The following SLC7A9 variants were observed in gnomAD, a reference collection of about 807,000 sequenced individuals.
SLC7A9 encodes the protein B(0,+)-type amino acid transporter 1.
Under a neutral mutation model 54.1 loss-of-function variants are expected in SLC7A9, and 38 were observed. The ratio of observed to expected loss-of-function variants is 0.70; its 90% CI spans 0.54 to 0.92. The LOEUF (loss-of-function observed/expected upper bound fraction) is 0.92, where lower values mean the gene tolerates loss of function less well. Ranked by LOEUF, SLC7A9 falls within the 40% of genes least tolerant of loss-of-function variation. The pLI, the probability that SLC7A9 is intolerant of heterozygous loss-of-function variation, is 0.00. For synonymous variants in SLC7A9, 264 were observed against 258.9 expected (o/e 1.02, Z -0.19); for missense variants, 537 against 636.1 (o/e 0.84, Z 1.68).
rs1968356800 is a variant in SLC7A9, at chr19:32,848,144, C to T, written c.978-4193G>A. Among the ~76,000 whole-genome samples the T allele has an allele frequency of 2.6e-5, 4 of 152,180 alleles. 1 individual carries two copies. The highest frequency in any genetic ancestry group is 2.6e-4 in the Admixed American group (4 of 15,274). ...CTGCATCAACTAACGAGCAAAATAA[C>T]CAGCTAACATCATAATGACAGGACC... On this transcript the variant is annotated intron_variant, in intron 9 of 12. Transcript: ENST00000023064.
chr19:32,834,563 G>A (rs1967901163), intron 11 of SLC7A9, among the ~76,000 whole-genome samples: 1 of 151,968 alleles, frequency 6.6e-6, no homozygotes, highest in Non-Finnish European at 1.5e-5. Context: ...CCGGGAGGCG[G>A]AGGCTGCAGT....
chr19:32,852,161 T>A (rs1968488580), intron 9 of SLC7A9, among the ~76,000 whole-genome samples: 1 of 151,718 alleles, frequency 6.6e-6, no homozygotes, highest in Non-Finnish European at 1.5e-5. Context: ...ACCCTAAAAC[T>A]TAAAGTGTAA....
chr19:32,864,782 T>A lies in SLC7A9; in HGVS notation c.88-6A>T. 1 of 1,613,960 alleles carries A rather than the reference T, an allele frequency of 6.2e-7. No homozygotes were observed. The highest frequency in any genetic ancestry group is 8.5e-7 in the Non-Finnish European group (1 of 1,179,984). On this transcript the variant is annotated splice_polypyrimidine_tract_variant and splice_region_variant and intron_variant, in intron 2 of 12. Coordinates refer to ENST00000023064, the MANE Select transcript of SLC7A9 (RefSeq NM_014270.5). The stretch of plus-strand genomic sequence containing the variant: ...ATGCCACTGATGAGGCCCAGCTGGG[T>A]GTGGAGGAAGGAAGAGGGCGTTAGT...
At chr19:32,849,232 T>C (rs938159550) in intron 9 of SLC7A9, among the ~76,000 whole-genome samples, 2 of 151,866 alleles carry the variant, frequency 1.3e-5, no homozygotes, top group Admixed American at 6.6e-5. Flanking sequence ...TTCAAAAAAT[T>C]AATGAATCCA....
chr19:32,843,809 A>C, intron 10 of SLC7A9, 46 bp downstream of exon 10: 2 of 1,431,998 alleles, frequency 1.4e-6, no homozygotes, highest in African/African-American at 1.4e-5. Flanking sequence ...CCATGGATGG[A>C]GTGTCCCCGC....
chr19:32,859,836 C>T lies in SLC7A9; in HGVS notation c.873+5G>A. On this transcript the variant is annotated splice_donor_5th_base_variant and intron_variant, in intron 8 of 12. Coordinates refer to ENST00000023064, the MANE Select transcript of SLC7A9 (RefSeq NM_014270.5). ...CCCCGCCAGCAGCGATGCCCGGGCA[C>T]TCACCACAGCCACCGCCTGGGACTG... 1 of 1,612,776 alleles carries T rather than the reference C, an allele frequency of 6.2e-7. No individual in the cohort carries two copies. Among genetic ancestry groups the T allele is most frequent in the Non-Finnish European group, 8.5e-7 (1 of 1,178,768 alleles).
At chr19:32,857,759 T>C (rs1211081863) in intron 9 of SLC7A9, among the ~76,000 whole-genome samples, 1 of 152,152 alleles carries the variant, frequency 6.6e-6, no homozygotes, top group Non-Finnish European at 1.5e-5. Flanking sequence ...TTATGCTACA[T>C]CTGAAAGTGT....
In SLC7A9 at chr19:32,839,325, T is replaced by C. The variant is rs1191922531; in HGVS notation, c.1224+2843A>G. 3.3e-5 allele frequency among the ~76,000 whole-genome samples: 5 copies of C among 152,024 alleles called. No homozygotes were observed. In the South Asian group the frequency reaches 6.2e-4, roughly 19 times the overall value. On this transcript the variant is annotated intron_variant, in intron 11 of 12. Coordinates refer to ENST00000023064, the MANE Select transcript of SLC7A9 (RefSeq NM_014270.5). The stretch of plus-strand genomic sequence containing the variant: ...ATCCCAGCACTTTGGAAGGCTGAAG[T>C]GGGTGGATCACAAAGTCAGGAGTTC...
chr19:32,862,288 A>G (rs1968822413), intron 5 of SLC7A9, 71 bp from the exon 6 acceptor site: 2 of 1,445,044 alleles, frequency 1.4e-6, no homozygotes, highest in Admixed American at 3.3e-5. Context: ...CACGGGAAAG[A>G]TGGGCATGAT....
Position 32,830,572 on chromosome 19 carries a change from G to T in SLC7A9, c.*48C>A. 7.2e-7 allele frequency: 1 copy of T among 1,391,122 alleles called. No homozygotes were observed. The highest frequency in any genetic ancestry group is 1.0e-6 in the Non-Finnish European group (1 of 977,076). The allele number at this position is 1,391,122 out of a possible 1,614,324, so 86.2% of individuals were successfully genotyped here. A position where few individuals can be genotyped will look rare whatever the true frequency, so the allele number is the denominator to read the frequency against. ...AAAGGAAGAAATAACCACAAATATTGCTTAAGAAAATAAATTCAGCTGACT... is the reference window on the plus strand; with the variant it reads ...AAAGGAAGAAATAACCACAAATATTTCTTAAGAAAATAAATTCAGCTGACT... On this transcript the variant is annotated 3_prime_UTR_variant, in exon 13 of 13. Transcript: ENST00000023064.
chr19:32,863,789 A>G (rs1968877280), intron 4 of SLC7A9, among the ~76,000 whole-genome samples: 1 of 152,174 alleles, frequency 6.6e-6, no homozygotes, highest in East Asian at 1.9e-4. Context: ...CAGATGGCGA[A>G]AAATTATCAG....
chr19:32,849,571 GA>G (rs1968404951), intron 9 of SLC7A9, among the ~76,000 whole-genome samples: 3 of 151,632 alleles, frequency 2.0e-5, no homozygotes, highest in African/African-American at 7.3e-5. Context: ...TCCAGGACCA[GA>G]TGGATTCACA....
In SLC7A9 at chr19:32,868,100, G is replaced by A. The variant is rs368005669; in HGVS notation, c.87+348C>T. On this transcript the variant is annotated intron_variant, in intron 2 of 12. Coordinates refer to ENST00000023064, the MANE Select transcript of SLC7A9 (RefSeq NM_014270.5). ...ACAAAAATTAGCCGGGTATGGTGGC[G>A]GGTGCTTGTAATCCCAGCTACTCGG... is the stretch of plus-strand genomic sequence containing the variant. Among the ~76,000 whole-genome samples, 300 of 151,522 alleles carry A rather than the reference G, an allele frequency of 2.0e-3. 1 individual carries two copies. Among genetic ancestry groups the A allele is most frequent in the African/African-American group, 6.8e-3 (281 of 41,330 alleles).
Position 32,864,415 on chromosome 19 carries a change from G to C in SLC7A9, c.236-77C>G, listed in dbSNP as rs1366468822. The C allele has an allele frequency of 1.0e-5, 16 of 1,597,614 alleles. No homozygotes were observed. The East Asian group carries it at 2.7e-4, about 27-fold the overall frequency. ...GCCCCAGGGAGCCTTCCTCCCACCGGAGGCTGCGCTCGTATGGAGGGGCCC... is the reference window on the plus strand; with the variant it reads ...GCCCCAGGGAGCCTTCCTCCCACCGCAGGCTGCGCTCGTATGGAGGGGCCC... On this transcript the variant is annotated intron_variant, in intron 3 of 12. Coordinates refer to ENST00000023064, the MANE Select transcript of SLC7A9 (RefSeq NM_014270.5).
rs12150889 is a variant in SLC7A9, at chr19:32,864,149, A to G, written c.425T>C (p.Val142Ala). Reference sequence around the variant, plus strand: ...AACGATTTGAGGAGGCTTGCAGCCCACATAGAAGGGCGCACACACATACTC... The same window carrying G: ...AACGATTTGAGGAGGCTTGCAGCCCGCATAGAAGGGCGCACACACATACTC... ...FSEYVCAPFY[V>A]GCKPPQIVVK... is the part of the protein sequence containing the mutation. Residue 142 changes from valine (V) to alanine (A), a missense_variant, in exon 4 of 13, where the codon GTG becomes GCG. Physicochemically the swap from Val to Ala is moderately conservative, Grantham distance 64 (BLOSUM62 0). Coordinates refer to ENST00000023064, the MANE Select transcript of SLC7A9 (RefSeq NM_014270.5). 0.33 allele frequency: 538,487 copies of G among 1,613,996 alleles called. 91,720 individuals carry two copies. Among genetic ancestry groups the G allele is most frequent in the African/African-American group, 0.38 (28,352 of 75,010 alleles).
intron 9 of SLC7A9, among the ~76,000 whole-genome samples, chr19:32,851,651 C>G (rs1384085909): frequency 6.6e-6 from 1 of 151,990 alleles, no homozygotes; most frequent in Non-Finnish European, 1.5e-5. Context: ...TACCATTTGA[C>G]CCAGCCATCG....
chr19:32,869,393 T>G lies in SLC7A9; in HGVS notation c.-112+293A>C, dbSNP rs1205161943. On this transcript the variant is annotated intron_variant, in intron 1 of 12. Transcript: ENST00000023064. ...CTTTTTCTTTGTACTTTTTAAATTT[T>G]TACAATATTTTTTATAAAGACGGGA... is the stretch of plus-strand genomic sequence containing the variant. Among the ~76,000 whole-genome samples, 9 of 152,116 alleles carry G rather than the reference T, an allele frequency of 5.9e-5. No homozygotes were observed. In the East Asian group the frequency reaches 1.7e-3, roughly 29 times the overall value.
At chr19:32,843,640 A>G (rs574462956) in intron 10 of SLC7A9, among the ~76,000 whole-genome samples, 1 of 152,344 alleles carries the variant, frequency 6.6e-6, no homozygotes, top group Non-Finnish European at 1.5e-5. Context: ...AAATGCACAC[A>G]GAAGCATTGA....
At chr19:32,860,745 C>T in intron 6 of SLC7A9, 95 bp from the exon 7 acceptor site, 1 of 1,519,242 alleles carries the variant, frequency 6.6e-7, no homozygotes, top group South Asian at 1.2e-5. Flanking sequence ...TTAAGATTCT[C>T]TACCAGAGAA....
Sources: allele counts gnomAD v4.1 joint callset (sites outside exome capture counted in the v4.1 genomes callset), GRCh38; gene constraint gnomAD v4.1.1; transcripts MANE v1.5; gene names NCBI Gene and HGNC (gene_info 2026-07-23, HGNC 2026-07-21).